Variants in RGS6 observed in about 807,000 individuals in gnomAD.
RGS6 encodes regulator of G protein signaling 6, also known as regulator of G-protein signaling 6.
RGS6 carries 30 observed loss-of-function variants against 78.5 expected under a neutral mutation model. The observed-to-expected ratio is 0.38, with a 90% CI of 0.29 to 0.52. The LOEUF (loss-of-function observed/expected upper bound fraction) is 0.52. Among genes scored for constraint, RGS6 ranks in the 20% least tolerant of loss-of-function variants. The pLI, the probability that RGS6 is intolerant of heterozygous loss-of-function variation, is 0.85. For missense variants in RGS6, 495 were observed against 609.7 expected (o/e 0.81, Z 1.98); for synonymous variants, 206 against 206.0 (o/e 1.00, Z 0.00).
At chr14:72,439,774 G>A (rs1169791128) in intron 3 of RGS6, among the ~76,000 whole-genome samples, 2 of 152,318 alleles carry the variant, frequency 1.3e-5, no homozygotes, top group African/African-American at 2.4e-5. Context: ...CAGAGGGGAG[G>A]AGAGGGAGAC....
intron 2 of RGS6, among the ~76,000 whole-genome samples, chr14:72,000,056 A>G (rs561308907): frequency 6.6e-6 from 1 of 152,290 alleles, no homozygotes; most frequent in Non-Finnish European, 1.5e-5. Context: ...GGAGAACCTT[A>G]GATAGTAGGA....
chr14:72,446,987 C>T (rs1250186515), intron 3 of RGS6, among the ~76,000 whole-genome samples: 1 of 152,126 alleles, frequency 6.6e-6, no homozygotes, highest in South Asian at 2.1e-4. Flanking sequence ...TGGTTCCTAA[C>T]AGGCCAGGGA....
At chr14:72,203,014 A>G (rs1202917317) in intron 2 of RGS6, among the ~76,000 whole-genome samples, 2 of 152,040 alleles carry the variant, frequency 1.3e-5, no homozygotes, top group African/African-American at 4.8e-5. Flanking sequence ...AGCTGAGACT[A>G]CAGGCGCCCG....
intron 3 of RGS6, among the ~76,000 whole-genome samples, chr14:72,356,948 T>C (rs2080427923): frequency 6.6e-6 from 1 of 152,180 alleles, no homozygotes; most frequent in Non-Finnish European, 1.5e-5. Context: ...TGTTACTAGG[T>C]AGTGGGGCAC....
At chr14:71,967,613 T>C (rs1258408707) in intron 2 of RGS6, among the ~76,000 whole-genome samples, 1 of 152,204 alleles carries the variant, frequency 6.6e-6, no homozygotes, top group Non-Finnish European at 1.5e-5. Context: ...ATTTAAAAAA[T>C]TGTGCTTTCA....
chr14:71,931,401 C>T (rs1441315287), upstream of RGS6, among the ~76,000 whole-genome samples: 1 of 152,130 alleles, frequency 6.6e-6, no homozygotes, highest in Admixed American at 6.5e-5. Context: ...AGAGCAGGTG[C>T]TATTTGTCTA....
chr14:72,412,114 A>G (rs868823185), intron 3 of RGS6, among the ~76,000 whole-genome samples: 4 of 152,128 alleles, frequency 2.6e-5, no homozygotes, highest in South Asian at 2.1e-4. Context: ...GTCTTTTTCT[A>G]TTGACTGGAA....
the RGS6 span, among the ~76,000 whole-genome samples, chr14:72,621,594 T>C: frequency 6.6e-6 from 1 of 152,090 alleles, no homozygotes; most frequent in Non-Finnish European, 1.5e-5. Context: ...AGTGATACGA[T>C]CAGATTGCAG....
intron 3 of RGS6, among the ~76,000 whole-genome samples, chr14:72,413,557 C>G (rs559332991): frequency 6.6e-6 from 1 of 152,120 alleles, no homozygotes; most frequent in Non-Finnish European, 1.5e-5. Flanking sequence ...GAGCATTTAG[C>G]CCATTTACAT....
chr14:71,969,462 T>C (rs1359506359), intron 2 of RGS6, among the ~76,000 whole-genome samples: 1 of 152,166 alleles, frequency 6.6e-6, no homozygotes, highest in Non-Finnish European at 1.5e-5. Flanking sequence ...CATCACACTC[T>C]GGATGTCTTC....
chr14:72,456,623 T>G (rs2095637818), intron 4 of RGS6, among the ~76,000 whole-genome samples: 1 of 152,124 alleles, frequency 6.6e-6, no homozygotes, highest in Non-Finnish European at 1.5e-5. Context: ...GCAAAAACAT[T>G]TTTGCTCAGA....
rs112159011 is a variant in RGS6 at position 72,229,303 on chromosome 14, A to G, written c.85-122792A>G. ...TGGCCCCTACCACCCTCCCACACAC[A>G]TACCTAATGGCTCTCCAGACCAGGT... On this transcript the variant is annotated intron_variant, in intron 2 of 17. Transcript: ENST00000553525. Among the ~76,000 whole-genome samples the G allele has an allele frequency of 7.9e-3, 1,049 of 132,462 alleles. 9 individuals are homozygous for G. The highest frequency in any genetic ancestry group is 0.029 in the African/African-American group (1,000 of 34,530). The allele number at this position is 132,462 out of a possible 152,430, so 86.9% of individuals were successfully genotyped here.
chr14:72,049,832 A>G (rs1235390682), intron 2 of RGS6, among the ~76,000 whole-genome samples: 1 of 152,218 alleles, frequency 6.6e-6, no homozygotes, highest in African/African-American at 2.4e-5. Flanking sequence ...TGCCATGTAT[A>G]GTCTCTAAAA....
At chr14:72,313,498 G>A (rs1438048672) in intron 2 of RGS6, among the ~76,000 whole-genome samples, 1 of 152,168 alleles carries the variant, frequency 6.6e-6, no homozygotes, top group African/African-American at 2.4e-5. Context: ...CCCTGGGAGG[G>A]GGGGCTTGCA....
chr14:72,133,715 G>C (rs557128420), intron 2 of RGS6, among the ~76,000 whole-genome samples: 1 of 152,078 alleles, frequency 6.6e-6, no homozygotes, highest in African/African-American at 2.4e-5. Flanking sequence ...TCCACTGTCA[G>C]GTAAGTCTCT....
At chr14:71,987,391 C>A (rs2094761200) in intron 2 of RGS6, among the ~76,000 whole-genome samples, 1 of 152,032 alleles carries the variant, frequency 6.6e-6, no homozygotes, top group South Asian at 2.1e-4. Context: ...TCCTGTTAGG[C>A]CCCACAAACA....
chr14:72,514,582 G>A (rs775327510), intron 14 of RGS6, among the ~76,000 whole-genome samples: 11 of 152,166 alleles, frequency 7.2e-5, no homozygotes, highest in African/African-American at 1.2e-4. Flanking sequence ...TAGTTTCCCC[G>A]CCAGCATTTC....
chr14:72,169,363 A>G (rs2096977187), intron 2 of RGS6, among the ~76,000 whole-genome samples: 2 of 152,310 alleles, frequency 1.3e-5, no homozygotes, highest in African/African-American at 2.4e-5. Context: ...CACTAATCTA[A>G]TCTCTAGAGA....
chr14:72,161,281 T>G (rs2096849150), intron 2 of RGS6, among the ~76,000 whole-genome samples: 2 of 152,128 alleles, frequency 1.3e-5, no homozygotes, highest in Admixed American at 1.3e-4. Context: ...AAATACCTAA[T>G]GTAGATGACG....
Sources: gnomAD v4.1 joint callset for allele counts (sites outside exome capture counted in the v4.1 genomes callset) on GRCh38, gnomAD v4.1.1 for gene constraint, MANE v1.5 for transcripts, NCBI Gene and HGNC (gene_info 2026-07-23, HGNC 2026-07-21) for gene names.